DCC: variants seen among roughly 807,000 people sequenced by gnomAD.
DCC encodes the protein DCC netrin 1 receptor, also known as netrin receptor DCC.
A neutral mutation model predicts 172.5 loss-of-function variants in DCC; 58 were observed. That is an observed-to-expected ratio of 0.34 (90% confidence interval 0.27 to 0.42). The LOEUF (loss-of-function observed/expected upper bound fraction) is 0.42. Ranked by LOEUF, DCC falls within the 10% of genes least tolerant of loss-of-function variation. DCC has a pLI of 1.00. For missense variants in DCC, 1,740 were observed against 1,791.0 expected (o/e 0.97, Z 0.51); for synonymous variants, 709 against 644.5 (o/e 1.10, Z -1.52).
At chr18:52,677,793 G>A (rs974338876) in intron 1 of DCC, among the ~76,000 whole-genome samples, 5 of 152,168 alleles carry the variant, frequency 3.3e-5, no homozygotes, top group Admixed American at 1.3e-4. Context: ...CCACATGAAC[G>A]CATTCCATTT....
intron 7 of DCC, among the ~76,000 whole-genome samples, chr18:53,110,397 A>T (rs1458550655): frequency 6.6e-6 from 1 of 151,688 alleles, no homozygotes; most frequent in Non-Finnish European, 1.5e-5. Flanking sequence ...AAATAAGATA[A>T]TTTAGCAATC....
intron 13 of DCC, among the ~76,000 whole-genome samples, chr18:53,309,943 T>A (rs201190026): frequency 1.5e-5 from 2 of 132,638 alleles, no homozygotes; most frequent in African/African-American, 5.8e-5. Flanking sequence ...TATATATATA[T>A]ACATGTATAT....
chr18:52,823,406 A>G (rs2038446071), intron 2 of DCC, among the ~76,000 whole-genome samples: 1 of 152,252 alleles, frequency 6.6e-6, no homozygotes, highest in Non-Finnish European at 1.5e-5. Flanking sequence ...AAGATATATT[A>G]GAAATACATT....
In DCC at chr18:53,485,048, T is replaced by C. The variant is rs188774069; in HGVS notation, c.3737-1749T>C. On this transcript the variant is annotated intron_variant, in intron 25 of 28. Transcript: ENST00000442544. ...AATGCAAAATAGCAGACATGTGAGA[T>C]GAACAAGTCTAGAGACCTAACCTAC... 3.2e-4 allele frequency among the ~76,000 whole-genome samples: 49 copies of C among 152,122 alleles called. 1 individual carries two copies. Among genetic ancestry groups the C allele is most frequent in the African/African-American group, 1.2e-3 (49 of 41,534 alleles).
At chr18:52,876,282 C>A (rs2039401827) in intron 2 of DCC, among the ~76,000 whole-genome samples, 1 of 152,116 alleles carries the variant, frequency 6.6e-6, no homozygotes, top group Non-Finnish European at 1.5e-5. Flanking sequence ...CTCTTGGTAG[C>A]TTTTTCCAGA....
intron 2 of DCC, among the ~76,000 whole-genome samples, chr18:52,844,807 A>G (rs1485130787): frequency 6.6e-6 from 1 of 152,164 alleles, no homozygotes; most frequent in Admixed American, 6.5e-5. Context: ...TTCCTCTTTG[A>G]TGTTTGTCAC....
intron 1 of DCC, among the ~76,000 whole-genome samples, chr18:52,389,868 T>C (rs1243517062): frequency 6.6e-6 from 1 of 152,116 alleles, no homozygotes; most frequent in Non-Finnish European, 1.5e-5. Context: ...TATTGTTGAT[T>C]GATTCAATGA....
chr18:53,184,938 G>C (rs2055256553), intron 9 of DCC, among the ~76,000 whole-genome samples: 1 of 152,212 alleles, frequency 6.6e-6, no homozygotes, highest in Middle Eastern at 3.4e-3. Flanking sequence ...ATGATTAACT[G>C]CACTGCACTG....
chr18:52,528,403 T>C (rs2032046366), intron 1 of DCC, among the ~76,000 whole-genome samples: 3 of 152,154 alleles, frequency 2.0e-5, no homozygotes, highest in African/African-American at 7.2e-5. Context: ...TAAAGATACA[T>C]ATGAAAATAA....
intron 1 of DCC, among the ~76,000 whole-genome samples, chr18:52,342,550 A>G (rs1385411654): frequency 1.3e-5 from 2 of 152,104 alleles, no homozygotes; most frequent in African/African-American, 4.8e-5. Flanking sequence ...GGCTGCGGGG[A>G]GGAGGACCCT....
chr18:53,124,565 T>A (rs2043528268), intron 7 of DCC, among the ~76,000 whole-genome samples: 1 of 152,100 alleles, frequency 6.6e-6, no homozygotes, highest in Non-Finnish European at 1.5e-5. Flanking sequence ...TTATTTAAGA[T>A]AATCAGTTAT....
intron 16 of DCC, among the ~76,000 whole-genome samples, chr18:53,390,537 G>A (rs1251883471): frequency 2.6e-5 from 4 of 152,114 alleles, no homozygotes; most frequent in Non-Finnish European, 2.9e-5. Context: ...TGCCCAGCCT[G>A]AGAGTTATAT....
intron 2 of DCC, among the ~76,000 whole-genome samples, chr18:52,795,874 T>C (rs2037865096): frequency 6.6e-6 from 1 of 152,044 alleles, no homozygotes; most frequent in South Asian, 2.1e-4. Flanking sequence ...GTTATTTAAT[T>C]TCCATGTAGT....
At chr18:52,361,773 A>G (rs1984628312) in intron 1 of DCC, among the ~76,000 whole-genome samples, 1 of 152,206 alleles carries the variant, frequency 6.6e-6, no homozygotes, top group Non-Finnish European at 1.5e-5. Flanking sequence ...TAGTAATAGC[A>G]TGTTTCCTAC....
intron 2 of DCC, among the ~76,000 whole-genome samples, chr18:52,820,822 G>A (rs62083310): frequency 6.6e-6 from 1 of 152,144 alleles, no homozygotes; most frequent in African/African-American, 2.4e-5. Flanking sequence ...GCAATTAGAA[G>A]TTAGGAATTC....
chr18:53,154,425 G>A (rs1475211393), intron 7 of DCC, among the ~76,000 whole-genome samples: 1 of 152,150 alleles, frequency 6.6e-6, no homozygotes, highest in Non-Finnish European at 1.5e-5. Flanking sequence ...AGGCCAGCAA[G>A]CTAATTAAGA....
At chr18:52,902,831 AAAAAG>A (rs1256063506) in intron 2 of DCC, among the ~76,000 whole-genome samples, 1 of 152,162 alleles carries the variant, frequency 6.6e-6, no homozygotes, top group Non-Finnish European at 1.5e-5. Context: ...ATTTAGAGAC[AAAAAG>A]AAAAGACTAT....
intron 7 of DCC, among the ~76,000 whole-genome samples, chr18:53,133,386 C>G (rs1321241035): frequency 6.6e-6 from 1 of 152,094 alleles, no homozygotes. Context: ...AGTTTTTTTC[C>G]TTTTCTTTTG....
intron 2 of DCC, among the ~76,000 whole-genome samples, chr18:52,899,684 CAG>C (rs1448871318): frequency 6.6e-6 from 1 of 151,502 alleles, no homozygotes. Flanking sequence ...TTTATAGAGA[CAG>C]AATCTCTCTA....
Sources: gnomAD v4.1 joint callset for allele counts (sites outside exome capture counted in the v4.1 genomes callset) on GRCh38, gnomAD v4.1.1 for gene constraint, MANE v1.5 for transcripts, NCBI Gene and HGNC (gene_info 2026-07-23, HGNC 2026-07-21) for gene names.